TUBGCP5: variants seen among roughly 807,000 people sequenced by gnomAD.
TUBGCP5 encodes gamma-tubulin complex component 5.
In TUBGCP5, 98 loss-of-function variants were observed where a neutral mutation model predicts 134.7. That is an observed-to-expected ratio of 0.73 (90% CI 0.62 to 0.86). TUBGCP5 has a LOEUF of 0.86. Ranked by LOEUF, TUBGCP5 falls within the 40% of genes least tolerant of loss-of-function variation. The pLI, the probability that TUBGCP5 is intolerant of heterozygous loss-of-function variation, is 0.00. For missense variants in TUBGCP5, 1,150 were observed against 1,244.8 expected (o/e 0.92, Z 1.15); for synonymous variants, 456 against 431.4 (o/e 1.06, Z -0.71).
intron 23 of TUBGCP5, among the ~76,000 whole-genome samples, chr15:22,993,712 T>G (rs2063941191): frequency 6.6e-6 from 1 of 150,962 alleles, no homozygotes; most frequent in African/African-American, 2.4e-5. Flanking sequence ...GCCCAGCTAG[T>G]TCTTGTATTT....
At chr15:23,009,886 A>C in intron 15 of TUBGCP5, 59 bp downstream of exon 15, 1 of 1,494,426 alleles carries the variant, frequency 6.7e-7, no homozygotes, top group Non-Finnish European at 9.1e-7. Context: ...AAATAATCTC[A>C]ACTGTTCTTC....
Position 23,013,394 on chromosome 15 carries a change from C to T in TUBGCP5, c.1757-2063G>A, listed in dbSNP as rs886676190. On this transcript the variant is annotated intron_variant, in intron 13 of 22. Transcript: ENST00000615383. This position sits in a 1 kb window ranked among gnomAD's most constrained non-coding sequence, Gnocchi z 4.5. ...CCAGGAGGCGAAGTTCGCAGTGAGCCGAGATCGCGCCGCTGCACTCCAGCC... is the reference window on the plus strand; with the variant it reads ...CCAGGAGGCGAAGTTCGCAGTGAGCTGAGATCGCGCCGCTGCACTCCAGCC... 6.6e-6 allele frequency among the ~76,000 whole-genome samples: 1 copy of T among 151,790 alleles called. No homozygotes were observed. The highest frequency in any genetic ancestry group is 1.5e-5 in the Non-Finnish European group (1 of 67,942).
downstream of TUBGCP5, among the ~76,000 whole-genome samples, chr15:22,997,809 G>A (rs1270438603): frequency 6.6e-6 from 1 of 150,404 alleles, no homozygotes; most frequent in East Asian, 2.0e-4. Context: ...GTAGAGACAA[G>A]GTTTCACCAC....
At position 23,024,186 on chromosome 15, in the gene TUBGCP5, A is replaced by C; in HGVS notation, c.929T>G (p.Leu310Ter). 6.2e-7 allele frequency: 1 copy of C among 1,613,654 alleles called. No individual in the cohort carries two copies. Among genetic ancestry groups the C allele is most frequent in the Non-Finnish European group, 8.5e-7 (1 of 1,179,696 alleles). ...TGCTATTTGTTCCAGCACAGATCGT[A>C]AACAGCTCTACAACACAAGCAAACT... ...IIVTHLTHSCLRSVLEQIAAY... is the reference protein window; with the variant it reads ...IIVTHLTHSC The change falls in exon 10 of 23, where the codon TTA (leucine) becomes TGA (stop). Residue 310 changes from leucine (L) to a stop codon, truncating the protein, a stop_gained. Transcript: ENST00000615383. LOFTEE classifies it high-confidence loss of function.
At chr15:22,989,568 G>A (rs564168825) in intron 23 of TUBGCP5, among the ~76,000 whole-genome samples, 8 of 152,266 alleles carry the variant, frequency 5.3e-5, no homozygotes, top group African/African-American at 1.7e-4. Context: ...TCTAGAGACA[G>A]GGTCTCACTT....
At chr15:22,985,005 G>A (rs1228027511) in intron 23 of TUBGCP5, among the ~76,000 whole-genome samples, 1 of 152,124 alleles carries the variant, frequency 6.6e-6, no homozygotes, top group African/African-American at 2.4e-5. Context: ...TCCAGAATAT[G>A]TAAAGAACCC....
Position 23,019,251 on chromosome 15 carries a change from C to T in TUBGCP5, c.1455G>A (p.Leu485=), listed in dbSNP as rs768057839. ...TGATGAACTCCCTGGCGCCATCCCA[C>T]AGGTGCCCGTGCACGATCCACTCGT... ...TVDEWIVHGH[L]WDGAREFIIQ... is the part of the protein sequence containing the mutation. The change falls in exon 12 of 23, where the codon CTG becomes CTA. Residue 485 remains leucine (L), a synonymous_variant. Transcript: ENST00000615383. The T allele has an allele frequency of 9.3e-6, 15 of 1,614,004 alleles. No individual in the cohort carries two copies. In the East Asian group the frequency reaches 3.1e-4, roughly 34 times the overall value.
At chr15:22,989,187 C>T (rs2063775657) in intron 23 of TUBGCP5, among the ~76,000 whole-genome samples, 1 of 152,188 alleles carries the variant, frequency 6.6e-6, no homozygotes, top group African/African-American at 2.4e-5. Flanking sequence ...TCTCCTCTTG[C>T]CATGTAAACT....
rs913876375 is a variant in TUBGCP5, at chr15:23,007,913, G to GA, written c.2327+785_2327+786insT. On this transcript the variant is annotated intron_variant, in intron 16 of 22. Transcript: ENST00000615383. Reference sequence around the variant, plus strand: ...AGGGAGTGAGGCTGAGAGACACAGAGGTCATTGGGGAGTTCTGAGCCAGTT... The same window carrying GA: ...AGGGAGTGAGGCTGAGAGACACAGAGAGTCATTGGGGAGTTCTGAGCCAGTT... Among the ~76,000 whole-genome samples, 3 of 152,128 alleles carry GA rather than the reference G, an allele frequency of 2.0e-5. 1 individual carries two copies. The highest frequency in any genetic ancestry group is 7.2e-5 in the African/African-American group (3 of 41,406).
intron 9 of TUBGCP5, 115 bp from the exon 10 acceptor site, chr15:23,024,308 T>A: frequency 3.4e-6 from 4 of 1,187,102 alleles, no homozygotes; most frequent in African/African-American, 1.5e-5. Flanking sequence ...GTATGTTTAG[T>A]AGAAGACAAA....
At chr15:23,019,725 A>C (rs1389753720) in intron 11 of TUBGCP5, among the ~76,000 whole-genome samples, 6 of 151,890 alleles carry the variant, frequency 4.0e-5, no homozygotes, top group African/African-American at 1.5e-4. Context: ...TGAATCTGGC[A>C]GGTGGAGGCT....
At chr15:23,021,337 T>C (rs918683142) in intron 11 of TUBGCP5, among the ~76,000 whole-genome samples, 2 of 152,056 alleles carry the variant, frequency 1.3e-5, no homozygotes, top group Non-Finnish European at 2.9e-5. Flanking sequence ...CTGTATATTT[T>C]AAAAAATTTT....
chr15:22,990,889 GCCACACAGCCACAGT>G (rs1477952118), intron 23 of TUBGCP5, among the ~76,000 whole-genome samples: 1 of 152,158 alleles, frequency 6.6e-6, no homozygotes, highest in Non-Finnish European at 1.5e-5. Context: ...GAGTGAAGCA[GCCACACAGCCACAGT>G]CATAGAATGC....
rs1260981406 is a variant in TUBGCP5, at chr15:23,024,396, T to C, written c.922-203A>G. 6 of 554,904 alleles carry C rather than the reference T, an allele frequency of 1.1e-5. No homozygotes were observed. The Admixed American group carries it at 2.3e-4, about 21-fold the overall frequency. 34.4% of individuals were successfully genotyped at this position (554,904 alleles called of 1,614,324 possible). A position where few individuals can be genotyped will look rare whatever the true frequency, so the allele number is the denominator to read the frequency against. ...ATAATTTCAACAGACTAGAGAATTA[T>C]GGCTTATATTTTTAAAAACATACAT... On this transcript the variant is annotated intron_variant, in intron 9 of 22. Coordinates refer to ENST00000615383, the MANE Select transcript of TUBGCP5 (RefSeq NM_052903.6).
intron 23 of TUBGCP5, among the ~76,000 whole-genome samples, chr15:22,986,966 G>T (rs1360304109): frequency 6.6e-6 from 1 of 152,156 alleles, no homozygotes; most frequent in African/African-American, 2.4e-5. Context: ...GAGATTTACT[G>T]CAAGGAATTG....
intron 21 of TUBGCP5, among the ~76,000 whole-genome samples, chr15:23,002,592 C>T (rs1225970189): frequency 1.3e-5 from 2 of 152,134 alleles, no homozygotes; most frequent in African/African-American, 4.8e-5. Flanking sequence ...CAAAATACAA[C>T]TTTGGAGAAT....
chr15:22,993,033 C>T (rs1456770066), intron 23 of TUBGCP5, among the ~76,000 whole-genome samples: 1 of 151,964 alleles, frequency 6.6e-6, no homozygotes, highest in Non-Finnish European at 1.5e-5. Flanking sequence ...AAATGACTAT[C>T]GAGCAAGGAT....
intron 19 of TUBGCP5, among the ~76,000 whole-genome samples, chr15:23,004,859 A>C (rs2064610492): frequency 6.6e-6 from 1 of 152,216 alleles, no homozygotes; most frequent in South Asian, 2.1e-4. Context: ...CTCACAGACC[A>C]GGTATAAACA....
At chr15:23,035,388 C>T (rs1054203984) in intron 3 of TUBGCP5, among the ~76,000 whole-genome samples, 1 of 151,794 alleles carries the variant, frequency 6.6e-6, no homozygotes, top group Non-Finnish European at 1.5e-5. Context: ...AATCCCCAAC[C>T]GTTTTGGCAC....
Sources: allele counts gnomAD v4.1 joint callset (sites outside exome capture counted in the v4.1 genomes callset), GRCh38; gene constraint gnomAD v4.1.1; non-coding constraint Gnocchi (gnomAD v3.1); transcripts MANE v1.5; gene names NCBI Gene and HGNC (gene_info 2026-07-23, HGNC 2026-07-21).